Variants in FAM177A1 observed in about 807,000 individuals in gnomAD.
FAM177A1 encodes the protein family with sequence similarity 177 member A1, also known as protein FAM177A1.
Under a neutral mutation model 26.1 loss-of-function variants are expected in FAM177A1, and 22 were observed. The observed-to-expected ratio is 0.84, with a 90% CI of 0.60 to 1.20. The LOEUF is 1.20. FAM177A1 is among the 50% of genes most tolerant of loss of function. The pLI is 0.00. For synonymous variants in FAM177A1, 95 were observed against 99.3 expected, an observed-to-expected ratio of 0.96 and a Z score of 0.26; for missense variants, 296 against 291.1, an observed-to-expected ratio of 1.02 and a Z score of -0.12.
chr14:35,081,238 A>T lies in FAM177A1; in HGVS notation c.*10A>T. The T allele has an allele frequency of 6.3e-7, 1 of 1,597,406 alleles. No homozygotes were observed. Among genetic ancestry groups the T allele is most frequent in the South Asian group, 1.2e-5 (1 of 86,382 alleles). The stretch of plus-strand genomic sequence containing the variant: ...CTCTGTCCCACCATAAAATGAAATG[A>T]CTATCAAGCTTCAAACTCTTAAGTT... On this transcript the variant is annotated 3_prime_UTR_variant, in exon 5 of 5. Transcript: ENST00000280987.
Position 35,046,511 on chromosome 14 carries a change from C to G in FAM177A1, c.48C>G (p.Ser16Arg). The stretch of plus-strand genomic sequence containing the variant: ...TTACCCTCTTTCTCACCAGCGCCAG[C>G]AGCCCTGTGGTGGCGACGACGATGG... ...PAITLFLTSASSPVVATTMDQ... is the reference protein window; with the variant it reads ...PAITLFLTSARSPVVATTMDQ... Residue 16 changes from serine (S) to arginine (R), a missense_variant, in exon 1 of 5, where the codon AGC becomes AGG. Physicochemically the swap from Ser to Arg is moderately radical, Grantham distance 110 (BLOSUM62 -1). Coordinates refer to ENST00000280987, the MANE Select transcript of FAM177A1 (RefSeq NM_173607.5). 1 of 1,602,532 alleles carries G rather than the reference C, an allele frequency of 6.2e-7. No homozygotes were observed. The highest frequency in any genetic ancestry group is 8.5e-7 in the Non-Finnish European group (1 of 1,175,988).
intron 2 of FAM177A1, 149 bp downstream of exon 2, chr14:35,053,600 A>G (rs564435770): frequency 1.9e-5 from 14 of 745,354 alleles, no homozygotes; most frequent in Admixed American, 1.4e-4. Context: ...ATAGAAAATA[A>G]TATTTTTACA....
intron 2 of FAM177A1, among the ~76,000 whole-genome samples, chr14:35,066,779 A>T (rs7160889): frequency 0.085 from 12,930 of 151,404 alleles, 869 homozygotes; most frequent in African/African-American, 0.19. Flanking sequence ...ATGTATACAT[A>T]ATAGAGGCTT....
rs145556020 is a variant in FAM177A1, at chr14:35,073,279, A to C, written c.340-3871A>C. On this transcript the variant is annotated intron_variant, in intron 2 of 4. Coordinates refer to ENST00000280987, the MANE Select transcript of FAM177A1 (RefSeq NM_173607.5). ...AAGACAGGGTTTCACCATGTTGCCCAGGCTGGTCGCAAAATCCTGAGCTCA... is the reference window on the plus strand; with the variant it reads ...AAGACAGGGTTTCACCATGTTGCCCCGGCTGGTCGCAAAATCCTGAGCTCA... 3.9e-3 allele frequency among the ~76,000 whole-genome samples: 593 copies of C among 152,308 alleles called. 4 individuals carry two copies. The highest frequency in any genetic ancestry group is 0.014 in the African/African-American group (566 of 41,566).
intron 1 of FAM177A1, among the ~76,000 whole-genome samples, chr14:35,052,693 A>T (rs2044993662): frequency 6.6e-6 from 1 of 152,048 alleles, no homozygotes; most frequent in Non-Finnish European, 1.5e-5. Context: ...GGGAGGCTGA[A>T]GTGGGAGGAT....
intron 2 of FAM177A1, among the ~76,000 whole-genome samples, chr14:35,073,736 A>G (rs2045356412): frequency 6.6e-6 from 1 of 152,172 alleles, no homozygotes. Context: ...TAGCAGCTTT[A>G]TAGATAAGGG....
At chr14:35,065,770 C>T (rs149849089) in intron 2 of FAM177A1, among the ~76,000 whole-genome samples, 2,974 of 150,220 alleles carry the variant, frequency 0.02, 108 homozygotes, top group African/African-American at 0.069. Flanking sequence ...CGGCTCACTG[C>T]AACCTCCACC....
chr14:35,060,085 T>A (rs990692594), intron 2 of FAM177A1, among the ~76,000 whole-genome samples: 4 of 152,182 alleles, frequency 2.6e-5, no homozygotes, highest in African/African-American at 9.6e-5. Flanking sequence ...GTGATTCTCC[T>A]GCCTCAGCCT....
At chr14:35,080,981 T>G (rs768392339) in intron 4 of FAM177A1, 41 bp from the exon 5 acceptor site, 1 of 1,546,318 alleles carries the variant, frequency 6.5e-7, no homozygotes, top group Non-Finnish European at 8.7e-7. Flanking sequence ...CTTTTGGACT[T>G]TCGTATTTCA....
intron 2 of FAM177A1, among the ~76,000 whole-genome samples, chr14:35,064,539 ATAAAGT>A (rs1032858059): frequency 4.3e-4 from 65 of 152,330 alleles, no homozygotes; most frequent in African/African-American, 1.4e-3. Context: ...GAAAAACCTA[ATAAAGT>A]TAATGAAGAA....
intron 4 of FAM177A1, among the ~76,000 whole-genome samples, chr14:35,079,291 T>C (rs2045444010): frequency 6.6e-6 from 1 of 152,236 alleles, no homozygotes; most frequent in Non-Finnish European, 1.5e-5. Flanking sequence ...CATTATTTAA[T>C]CTTCACATGC....
chr14:35,053,539 G>A, intron 2 of FAM177A1, 88 bp downstream of exon 2: 1 of 1,189,064 alleles, frequency 8.4e-7, no homozygotes, highest in East Asian at 2.3e-5. Flanking sequence ...GGGACCTTTT[G>A]AGGTTTAAAT....
chr14:35,076,768 T>C (rs2045402961), intron 2 of FAM177A1, among the ~76,000 whole-genome samples: 1 of 152,166 alleles, frequency 6.6e-6, no homozygotes, highest in African/African-American at 2.4e-5. Flanking sequence ...CTTAAGTTTC[T>C]TTCTATTGAC....
At chr14:35,053,238 C>T (rs752093716) in intron 1 of FAM177A1, 40 bp from the exon 2 acceptor site, 9 of 1,540,908 alleles carry the variant, frequency 5.8e-6, no homozygotes, top group African/African-American at 1.4e-5. Context: ...GAAAATTAAT[C>T]TCACTTGAAA....
chr14:35,046,844 A>T (rs1046792147), intron 1 of FAM177A1: 1 of 1,357,276 alleles, frequency 7.4e-7, no homozygotes, highest in African/African-American at 1.5e-5. Flanking sequence ...GCAGCACAGC[A>T]GACTCTGGGG....
chr14:35,055,939 G>T (rs1304794456), intron 2 of FAM177A1, among the ~76,000 whole-genome samples: 1 of 151,928 alleles, frequency 6.6e-6, no homozygotes, highest in Non-Finnish European at 1.5e-5. Flanking sequence ...TTGTCGTTTT[G>T]ATTTACATTC....
At chr14:35,049,690 C>G (rs969789962) in intron 1 of FAM177A1, among the ~76,000 whole-genome samples, 1 of 152,092 alleles carries the variant, frequency 6.6e-6, no homozygotes, top group African/African-American at 2.4e-5. Context: ...GAGGCTGAGG[C>G]AGGAGAATCG....
Position 35,082,779 on chromosome 14 carries a change from C to G in FAM177A1, c.*1551C>G, listed in dbSNP as rs2045506473. On this transcript the variant is annotated 3_prime_UTR_variant, in exon 5 of 5. Transcript: ENST00000280987. ...AATATATCTATATAAAATATAGTGT[C>G]AAAGAAAGTAACATCAATATAGTGG... 6.6e-6 allele frequency: 1 copy of G among 152,038 alleles called. No homozygotes were observed. Among genetic ancestry groups the G allele is most frequent in the African/African-American group, 2.4e-5 (1 of 41,396 alleles). The allele number at this position is 152,038 out of a possible 1,614,324, so 9.4% of individuals were successfully genotyped here. A position where few individuals can be genotyped will look rare whatever the true frequency, so the allele number is the denominator to read the frequency against.
intron 2 of FAM177A1, among the ~76,000 whole-genome samples, chr14:35,075,750 C>T (rs2045384554): frequency 6.6e-6 from 1 of 152,068 alleles, no homozygotes; most frequent in South Asian, 2.1e-4. Flanking sequence ...AACAAATTTA[C>T]AAGAAAAAAT....
Sources: allele counts gnomAD v4.1 joint callset (sites outside exome capture counted in the v4.1 genomes callset), GRCh38; gene constraint gnomAD v4.1.1; transcripts MANE v1.5; gene names NCBI Gene and HGNC (gene_info 2026-07-23, HGNC 2026-07-21).